The following MYT1L variants were observed in gnomAD, a reference collection of about 807,000 sequenced individuals.
MYT1L encodes the protein myelin transcription factor 1 like.
MYT1L carries 12 observed loss-of-function variants against 126.7 expected under a neutral mutation model. That is an observed-to-expected ratio of 0.09 (90% CI 0.06 to 0.15). MYT1L has a LOEUF of 0.15. Among genes scored for constraint, MYT1L ranks in the 10% least tolerant of loss-of-function variants. The probability of loss-of-function intolerance (pLI) is 1.00; values close to 1 mark genes in which losing one functional copy is unlikely to be tolerated. For missense variants in MYT1L, 979 were observed against 1,585.2 expected, an observed-to-expected ratio of 0.62 and a Z score of 6.49; for synonymous variants, 541 against 604.2, an observed-to-expected ratio of 0.90 and a Z score of 1.53.
intron 2 of MYT1L, among the ~76,000 whole-genome samples, chr2:2,202,698 G>A (rs1375684971): frequency 6.6e-6 from 1 of 152,172 alleles, no homozygotes; most frequent in African/African-American, 2.4e-5. Context: ...GAGGTACAAG[G>A]AGGAGCTGGT....
chr2:2,237,923 T>G (rs2094357499), intron 2 of MYT1L, among the ~76,000 whole-genome samples: 1 of 152,130 alleles, frequency 6.6e-6, no homozygotes. Flanking sequence ...GGTACTTGCA[T>G]AAGGTAAAGT....
intron 3 of MYT1L, among the ~76,000 whole-genome samples, chr2:2,123,588 C>T (rs997384257): frequency 4.6e-5 from 7 of 152,148 alleles, no homozygotes; most frequent in Non-Finnish European, 1.0e-4. Flanking sequence ...CCTGCTCTGG[C>T]CTTACAAGAT....
intron 11 of MYT1L, among the ~76,000 whole-genome samples, chr2:1,916,393 G>A (rs1342318464): frequency 6.6e-6 from 1 of 152,096 alleles, no homozygotes; most frequent in South Asian, 2.1e-4. Context: ...GACAGTAAGG[G>A]AAACTCTTCC....
intron 3 of MYT1L, among the ~76,000 whole-genome samples, chr2:2,082,720 T>C (rs904045937): frequency 6.6e-6 from 1 of 152,178 alleles, no homozygotes; most frequent in Non-Finnish European, 1.5e-5. Flanking sequence ...TGGGGATATA[T>C]ATAAACCCTT....
intron 3 of MYT1L, among the ~76,000 whole-genome samples, chr2:2,153,900 T>C (rs1398381038): frequency 6.6e-6 from 1 of 151,926 alleles, no homozygotes; most frequent in African/African-American, 2.4e-5. Flanking sequence ...GGGTGCAGCG[T>C]GTGAGAGGTA....
intron 18 of MYT1L, among the ~76,000 whole-genome samples, chr2:1,853,550 T>C (rs976490131): frequency 3.9e-5 from 6 of 152,216 alleles, no homozygotes; most frequent in Non-Finnish European, 8.8e-5. Flanking sequence ...TAGGAAGACA[T>C]TTGAAAGCAA....
intron 4 of MYT1L, among the ~76,000 whole-genome samples, chr2:2,050,858 A>T (rs2068746311): frequency 6.6e-6 from 1 of 152,172 alleles, no homozygotes; most frequent in Non-Finnish European, 1.5e-5. Flanking sequence ...ATCTGAGGGT[A>T]GGACTAGCAG....
chr2:2,264,624 G>A (rs988697627), intron 2 of MYT1L, among the ~76,000 whole-genome samples: 20 of 152,106 alleles, frequency 1.3e-4, no homozygotes, highest in African/African-American at 3.4e-4. Flanking sequence ...GAGCCATGGT[G>A]CTCAGCGGAG....
chr2:2,131,905 C>CTTT (rs58810405), intron 3 of MYT1L, among the ~76,000 whole-genome samples: 115 of 111,062 alleles, frequency 1.0e-3, no homozygotes, highest in Non-Finnish European at 1.3e-3. Context: ...AGAGTTCATC[C>CTTT]TTTTTTTTTT....
At chr2:1,948,073 T>G (rs2149293647) in intron 8 of MYT1L, among the ~76,000 whole-genome samples, 1 of 152,356 alleles carries the variant, frequency 6.6e-6, no homozygotes, top group African/African-American at 2.4e-5. Flanking sequence ...TTTACATGTT[T>G]TAAATTTCCT....
chr2:2,241,183 C>A (rs2149138902), intron 2 of MYT1L, among the ~76,000 whole-genome samples: 1 of 152,252 alleles, frequency 6.6e-6, no homozygotes, highest in African/African-American at 2.4e-5. Context: ...GGTGCTATAA[C>A]CGCACGCTTC....
intron 1 of MYT1L, among the ~76,000 whole-genome samples, chr2:2,306,642 C>A (rs1459361706): frequency 6.6e-6 from 1 of 152,102 alleles, no homozygotes. Context: ...GAAGAGGTAA[C>A]CTCACTGTGA....
chr2:2,098,067 AG>A (rs1434900109), intron 3 of MYT1L, among the ~76,000 whole-genome samples: 2 of 152,182 alleles, frequency 1.3e-5, no homozygotes, highest in African/African-American at 4.8e-5. Flanking sequence ...GGCCCTTACC[AG>A]GAGCATATGG....
At chr2:2,232,134 T>A (rs1404598281) in intron 2 of MYT1L, among the ~76,000 whole-genome samples, 8 of 152,240 alleles carry the variant, frequency 5.3e-5, no homozygotes, top group Admixed American at 1.3e-4. Flanking sequence ...ATTACTGAAT[T>A]CCTTCATGAA....
At chr2:2,026,225 G>A (rs12619233) in intron 4 of MYT1L, among the ~76,000 whole-genome samples, 5,966 of 152,222 alleles carry the variant, frequency 0.039, 165 homozygotes, top group Non-Finnish European at 0.057. Context: ...GCCATATGAC[G>A]TGGCCCCAGT....
chr2:2,257,807 G>T (rs952874186), intron 2 of MYT1L, among the ~76,000 whole-genome samples: 1 of 150,412 alleles, frequency 6.6e-6, no homozygotes, highest in Admixed American at 6.6e-5. Context: ...CGTGAAAATG[G>T]CCATACTGCC....
intron 8 of MYT1L, among the ~76,000 whole-genome samples, chr2:1,952,951 C>A (rs2058006648): frequency 1.4e-5 from 1 of 72,622 alleles, no homozygotes; most frequent in Admixed American, 1.2e-4. Flanking sequence ...TTCCCTCCTT[C>A]CTCCCTCCCT....
At chr2:2,025,449 T>G (rs2065443143) in intron 4 of MYT1L, among the ~76,000 whole-genome samples, 1 of 152,226 alleles carries the variant, frequency 6.6e-6, no homozygotes, top group Non-Finnish European at 1.5e-5. Context: ...CAAATGATAC[T>G]TGTTGAATCA....
chr2:1,929,372 CCT>C lies in MYT1L; in HGVS notation c.506-6111_506-6110del, dbSNP rs1252049119. On this transcript the variant is annotated intron_variant, in intron 9 of 24. Coordinates refer to ENST00000647738, the MANE Select transcript of MYT1L (RefSeq NM_001303052.2). This position sits in a 1 kb window ranked among gnomAD's most constrained non-coding sequence, Gnocchi z 4.7. Reference sequence around the variant, plus strand: ...CAGTGAGGCCCTTCACTAGAAGACCCCTGAGGCGCCCTCTAACTCAGAGCCCT... The same window carrying C: ...CAGTGAGGCCCTTCACTAGAAGACCCGAGGCGCCCTCTAACTCAGAGCCCT... 6.6e-6 allele frequency among the ~76,000 whole-genome samples: 1 copy of C among 152,184 alleles called. No individual in the cohort carries two copies. Among genetic ancestry groups the C allele is most frequent in the African/African-American group, 2.4e-5 (1 of 41,454 alleles).
Sources: gnomAD v4.1 joint callset for allele counts (sites outside exome capture counted in the v4.1 genomes callset) on GRCh38, gnomAD v4.1.1 for gene constraint, Gnocchi (gnomAD v3.1) non-coding constraint, MANE v1.5 for transcripts, NCBI Gene and HGNC (gene_info 2026-07-23, HGNC 2026-07-21) for gene names.